The following PWWP2A variants were observed in gnomAD, a reference collection of about 807,000 sequenced individuals.
PWWP2A encodes PWWP domain-containing protein 2A.
In PWWP2A, 18 loss-of-function variants were observed where a neutral mutation model predicts 48.5. The observed-to-expected ratio is 0.37, with a 90% confidence interval of 0.26 to 0.55. The LOEUF (loss-of-function observed/expected upper bound fraction) is 0.55. Ranked by LOEUF, PWWP2A falls within the 20% of genes least tolerant of loss-of-function variation. The probability of loss-of-function intolerance (pLI) is 0.81; values close to 1 mark genes in which losing one functional copy is unlikely to be tolerated. For synonymous variants in PWWP2A, 396 were observed against 387.7 expected (o/e 1.02, Z -0.25); for missense variants, 867 against 976.4 (o/e 0.89, Z 1.49).
At chr5:160,085,505 CTTTTT>C (rs5872628) in intron 2 of PWWP2A, among the ~76,000 whole-genome samples, 5 of 109,816 alleles carry the variant, frequency 4.6e-5, no homozygotes, top group South Asian at 6.1e-4. Context: ...CTGTCACATT[CTTTTT>C]TTTTTTTTTT....
At chr5:160,088,046 G>A (rs1754778720), downstream of PWWP2A, among the ~76,000 whole-genome samples, 1 of 152,072 alleles carries the variant, frequency 6.6e-6, no homozygotes, top group Non-Finnish European at 1.5e-5. Context: ...TTTTAATCCT[G>A]TTCTTTTGTT....
At chr5:160,058,028 A>G (rs1757589991), downstream of PWWP2A, among the ~76,000 whole-genome samples, 1 of 152,164 alleles carries the variant, frequency 6.6e-6, no homozygotes, top group African/African-American at 2.4e-5. Flanking sequence ...CAGCCTCCCA[A>G]AGTGCTGGGA....
At chr5:160,095,876 G>T (rs141194315) in intron 1 of PWWP2A, among the ~76,000 whole-genome samples, 1 of 151,774 alleles carries the variant, frequency 6.6e-6, no homozygotes, top group Non-Finnish European at 1.5e-5. Flanking sequence ...AGTATTTTTT[G>T]TAGAGACAGG....
chr5:160,111,238 G>C (rs1049826040), intron 1 of PWWP2A, among the ~76,000 whole-genome samples: 39 of 152,112 alleles, frequency 2.6e-4, no homozygotes, highest in African/African-American at 9.4e-4. Context: ...CATGATCTCA[G>C]CTCACTGCAA....
At chr5:160,104,380 A>G in intron 1 of PWWP2A, among the ~76,000 whole-genome samples, 1 of 151,524 alleles carries the variant, frequency 6.6e-6, no homozygotes, top group East Asian at 1.9e-4. Context: ...GAAGTGAGCC[A>G]TGATGGCACC....
downstream of PWWP2A, among the ~76,000 whole-genome samples, chr5:160,075,248 G>A (rs775201926): frequency 6.6e-6 from 1 of 152,004 alleles, no homozygotes; most frequent in South Asian, 2.1e-4. Context: ...AGATTCCTGT[G>A]GTCTCTTTTT....
At position 160,093,227 on chromosome 5, in the gene PWWP2A, G is replaced by A; in HGVS notation, c.1423C>T (p.Arg475Cys). The A allele has an allele frequency of 6.8e-6, 11 of 1,614,000 alleles. No individual in the cohort carries two copies. The highest frequency in any genetic ancestry group is 9.3e-6 in the Non-Finnish European group (11 of 1,179,896). ...PSSGSLPPRVRLKPQRYRNEE... is the reference protein window; with the variant it reads ...PSSGSLPPRVCLKPQRYRNEE... ...TTCCTGTACCTCTGTGGTTTTAAAC[G>A]AACCCGGGGTGGAAGGGAACCTGAG... The change falls in exon 2 of 2, where the codon CGT becomes TGT. Residue 475 changes from arginine (R) to cysteine (C), a missense_variant. By Grantham distance (180) the Arg-to-Cys change is radical. Around this residue, in one of 4 missense-constraint regions of PWWP2A, gnomAD observed 382 missense variants for 407.2 expected, o/e 0.94. Coordinates refer to ENST00000307063, the MANE Select transcript of PWWP2A (RefSeq NM_001130864.2). The surrounding 1 kb of genome is among the most constrained non-coding windows in gnomAD (Gnocchi z 5.8).
At chr5:160,117,876 T>C in intron 1 of PWWP2A, 3 of 985,014 alleles carry the variant, frequency 3.0e-6, no homozygotes, top group Non-Finnish European at 3.6e-6. Flanking sequence ...CGTGTGCTGT[T>C]GCAGGAAACA....
rs1235015187 is a variant in PWWP2A at position 160,092,211 on chromosome 5, CAGTTTAAGCTCTCAGTCTAAAAATGGCTA to C, written c.*142_*170del. ...TTAACACAAAATTTGATTATATGTT[CAGTTTAAGCTCTCAGTCTAAAAATGGCTA>C]TAAGGTAAGTATTAAAAAGCCAGCC... is the stretch of plus-strand genomic sequence containing the variant. On this transcript the variant is annotated 3_prime_UTR_variant, in exon 2 of 2. Coordinates refer to ENST00000307063, the MANE Select transcript of PWWP2A (RefSeq NM_001130864.2). 1 of 1,334,334 alleles carries C rather than the reference CAGTTTAAGCTCTCAGTCTAAAAATGGCTA, an allele frequency of 7.5e-7. No individual in the cohort carries two copies. The highest frequency in any genetic ancestry group is 9.6e-7 in the Non-Finnish European group (1 of 1,045,984). The allele number at this position is 1,334,334 out of a possible 1,614,324, so 82.7% of individuals were successfully genotyped here. A position where few individuals can be genotyped will look rare whatever the true frequency, so the allele number is the denominator to read the frequency against.
intron 1 of PWWP2A, among the ~76,000 whole-genome samples, chr5:160,110,271 G>A (rs1242820458): frequency 6.6e-6 from 1 of 152,004 alleles, no homozygotes; most frequent in African/African-American, 2.4e-5. Flanking sequence ...GGATCCACCT[G>A]CCTCAGCCTC....
intron 2 of PWWP2A, among the ~76,000 whole-genome samples, chr5:160,082,930 G>A (rs1278506976): frequency 2.0e-5 from 3 of 152,170 alleles, no homozygotes; most frequent in Non-Finnish European, 4.4e-5. Flanking sequence ...GGGCAAACCA[G>A]AACAGGGTAA....
At chr5:160,068,201 A>C (rs1037029063) in intron 2 of PWWP2A, among the ~76,000 whole-genome samples, 1 of 152,162 alleles carries the variant, frequency 6.6e-6, no homozygotes, top group East Asian at 1.9e-4. Flanking sequence ...AAGTTCTGTG[A>C]TGCTCCCCCT....
chr5:160,061,200 C>G (rs1054858844), downstream of PWWP2A, among the ~76,000 whole-genome samples: 1 of 152,226 alleles, frequency 6.6e-6, no homozygotes, highest in Non-Finnish European at 1.5e-5. Flanking sequence ...TGGGCTTGCA[C>G]GGACAGCACC....
At chr5:160,065,689 T>C (rs941525147) in intron 4 of PWWP2A, 3 of 276,860 alleles carry the variant, frequency 1.1e-5, no homozygotes, top group African/African-American at 6.7e-5. Flanking sequence ...CTTGAAGATT[T>C]ATCTTGAAGA....
chr5:160,046,009 G>C, the PWWP2A span, among the ~76,000 whole-genome samples: 1 of 152,148 alleles, frequency 6.6e-6, no homozygotes, highest in African/African-American at 2.4e-5. Flanking sequence ...CCAAAGTGCT[G>C]AGATTACAGG....
downstream of PWWP2A, among the ~76,000 whole-genome samples, chr5:160,059,485 G>A (rs1008512700): frequency 1.1e-4 from 16 of 152,308 alleles, no homozygotes; most frequent in African/African-American, 3.6e-4. Context: ...AAGCAATAAG[G>A]CTGTTTTGCT....
At chr5:160,084,566 C>T (rs892410303) in intron 2 of PWWP2A, among the ~76,000 whole-genome samples, 3 of 151,672 alleles carry the variant, frequency 2.0e-5, no homozygotes, top group African/African-American at 7.3e-5. Context: ...GTAGCTGGGA[C>T]TACAGGCGTG....
intron 4 of PWWP2A, among the ~76,000 whole-genome samples, chr5:160,064,730 G>A (rs151109503): frequency 1.3e-5 from 2 of 152,326 alleles, no homozygotes; most frequent in East Asian, 3.9e-4. Context: ...AGGGTGGATG[G>A]CATTAAAGTG....
At chr5:160,053,471 G>A in the PWWP2A span, among the ~76,000 whole-genome samples, 1 of 152,128 alleles carries the variant, frequency 6.6e-6, no homozygotes, top group Non-Finnish European at 1.5e-5. Context: ...GGCTGCTGTG[G>A]GAGGATCACT....
Sources: allele counts gnomAD v4.1 joint callset (sites outside exome capture counted in the v4.1 genomes callset), GRCh38; gene constraint gnomAD v4.1.1; regional missense constraint gnomAD v4.1.1; non-coding constraint Gnocchi (gnomAD v3.1); transcripts MANE v1.5; gene names NCBI Gene and HGNC (gene_info 2026-07-23, HGNC 2026-07-21).